UBXN7: variants seen among roughly 807,000 people sequenced by gnomAD.
UBXN7 encodes the protein UBX domain-containing protein 7.
A neutral mutation model predicts 58.0 loss-of-function variants in UBXN7; 9 were observed. The observed-to-expected ratio is 0.16, with a 90% CI of 0.09 to 0.27. UBXN7 has a LOEUF of 0.27. Among genes scored for constraint, UBXN7 ranks in the 10% least tolerant of loss-of-function variants. The probability of loss-of-function intolerance (pLI) is 1.00; values close to 1 mark genes in which losing one functional copy is unlikely to be tolerated. For synonymous variants in UBXN7, 208 were observed against 205.0 expected (o/e 1.01, Z -0.12); for missense variants, 328 against 599.6 (o/e 0.55, Z 4.73).
At chr3:196,422,030 T>A (rs971170961) in intron 1 of UBXN7, among the ~76,000 whole-genome samples, 1 of 151,182 alleles carries the variant, frequency 6.6e-6, no homozygotes. Context: ...GAAACCCTAG[T>A]CTCTAGTAAA....
At chr3:196,399,114 C>CTACT (rs1182629067) in intron 3 of UBXN7, among the ~76,000 whole-genome samples, 2 of 152,206 alleles carry the variant, frequency 1.3e-5, no homozygotes, top group Non-Finnish European at 2.9e-5. Flanking sequence ...CTTCAGCTCG[C>CTACT]TACTCTAACA....
At chr3:196,425,980 C>T (rs1289633895) in intron 1 of UBXN7, among the ~76,000 whole-genome samples, 1 of 152,130 alleles carries the variant, frequency 6.6e-6, no homozygotes, top group Non-Finnish European at 1.5e-5. Flanking sequence ...CCACGCCTTG[C>T]TCACAGTTGT....
Position 196,432,319 on chromosome 3 carries a change from T to C in UBXN7, c.73+8A>G. ...CACTCTCCACCTTCCGGTAACCGCG[T>C]CTCTTACCGGTAATGGTGGTGAACT... On this transcript the variant is annotated splice_region_variant and intron_variant, in intron 1 of 10. Coordinates refer to ENST00000296328, the MANE Select transcript of UBXN7 (RefSeq NM_015562.2). The C allele has an allele frequency of 6.2e-7, 1 of 1,613,374 alleles. No individual in the cohort carries two copies. Among genetic ancestry groups the C allele is most frequent in the Non-Finnish European group, 8.5e-7 (1 of 1,179,772 alleles).
chr3:196,383,367 C>G (rs1227963362), intron 5 of UBXN7, among the ~76,000 whole-genome samples: 1 of 152,172 alleles, frequency 6.6e-6, no homozygotes, highest in Non-Finnish European at 1.5e-5. Context: ...TAACACCCCA[C>G]TGTCAATATT....
chr3:196,364,703 GTT>G (rs541642001), intron 8 of UBXN7, among the ~76,000 whole-genome samples: 3 of 143,782 alleles, frequency 2.1e-5, no homozygotes, highest in African/African-American at 2.5e-5. Flanking sequence ...TTTGCTGGTT[GTT>G]TTTTTTTTTT....
chr3:196,395,588 G>A (rs966077156), intron 3 of UBXN7, among the ~76,000 whole-genome samples: 1 of 151,918 alleles, frequency 6.6e-6, no homozygotes, highest in African/African-American at 2.4e-5. Context: ...GGGACTACAA[G>A]TGTGCAGCAC....
chr3:196,358,983 T>C (rs764975821), intron 10 of UBXN7, among the ~76,000 whole-genome samples: 1 of 152,038 alleles, frequency 6.6e-6, no homozygotes, highest in Non-Finnish European at 1.5e-5. Context: ...TTCAAAGAAT[T>C]ATCAAGCAAA....
intron 3 of UBXN7, among the ~76,000 whole-genome samples, chr3:196,401,473 A>G (rs1180460621): frequency 6.6e-6 from 1 of 150,908 alleles, no homozygotes; most frequent in Non-Finnish European, 1.5e-5. Context: ...TCCTCCTCTT[A>G]GTTTACCGAT....
chr3:196,386,714 G>C lies in UBXN7; in HGVS notation c.468+5099C>G, dbSNP rs550558268. 5.3e-5 allele frequency among the ~76,000 whole-genome samples: 8 copies of C among 152,222 alleles called. No individual in the cohort carries two copies. In the South Asian group the frequency reaches 1.7e-3, roughly 32 times the overall value. ...ACCACTGCTCAACGAAATAAAAGAG[G>C]ACACAAACAAATGGAAGAACATTCC... On this transcript the variant is annotated intron_variant, in intron 5 of 10. Transcript: ENST00000296328.
intron 3 of UBXN7, among the ~76,000 whole-genome samples, chr3:196,401,782 A>AG (rs1358848116): frequency 2.0e-5 from 3 of 147,954 alleles, no homozygotes; most frequent in African/African-American, 7.5e-5. Context: ...AAAAAAAAAA[A>AG]AAAAAAAGTA....
chr3:196,348,513 A>G lies in UBXN7; in HGVS notation c.*8172T>C, dbSNP rs562144607. 5 of 152,336 alleles carry G rather than the reference A, an allele frequency of 3.3e-5. No individual in the cohort carries two copies. Among genetic ancestry groups the G allele is most frequent in the African/African-American group, 7.2e-5 (3 of 41,566 alleles). The allele number at this position is 152,336 out of a possible 1,614,324, so 9.4% of individuals were successfully genotyped here. A position where few individuals can be genotyped will look rare whatever the true frequency, so the allele number is the denominator to read the frequency against. On this transcript the variant is annotated 3_prime_UTR_variant, in exon 11 of 11. Coordinates refer to ENST00000296328, the MANE Select transcript of UBXN7 (RefSeq NM_015562.2). ...CTGCATTAAGAATGCAAATCTCAGT[A>G]AGACCACCCCCACACACACTTTGTC...
intron 1 of UBXN7, among the ~76,000 whole-genome samples, chr3:196,424,410 T>TTTTTTTA (rs1553855155): frequency 7.4e-6 from 1 of 135,520 alleles, no homozygotes; most frequent in South Asian, 2.4e-4. Flanking sequence ...TTTTTTTTTT[T>TTTTTTTA]AAGAGACAAG....
intron 5 of UBXN7, among the ~76,000 whole-genome samples, chr3:196,374,832 G>A (rs372211145): frequency 8.0e-6 from 1 of 125,524 alleles, no homozygotes; most frequent in East Asian, 2.5e-4. Flanking sequence ...AGCCAAGATC[G>A]TGCCATTGCA....
chr3:196,389,824 T>C (rs568274985), intron 5 of UBXN7, among the ~76,000 whole-genome samples: 1 of 152,312 alleles, frequency 6.6e-6, no homozygotes, highest in East Asian at 1.9e-4. Flanking sequence ...AAATTCCTTC[T>C]CCTAAATACT....
intron 3 of UBXN7, among the ~76,000 whole-genome samples, chr3:196,394,547 G>A (rs1729709029): frequency 1.3e-5 from 2 of 151,092 alleles, no homozygotes; most frequent in Admixed American, 1.3e-4. Context: ...AGGTTGCAGC[G>A]AGCCAAGATC....
rs558356094 is a variant in UBXN7, at chr3:196,355,996, A to G, written c.*689T>C. On this transcript the variant is annotated 3_prime_UTR_variant, in exon 11 of 11. Coordinates refer to ENST00000296328, the MANE Select transcript of UBXN7 (RefSeq NM_015562.2). ...AGGTTAGGACAATGAAAGTCACCCCATGCTATATGCTCCATATTTAACACT... is the reference window on the plus strand; with the variant it reads ...AGGTTAGGACAATGAAAGTCACCCCGTGCTATATGCTCCATATTTAACACT... 2.0e-5 allele frequency: 3 copies of G among 152,234 alleles called. No homozygotes were observed. Among genetic ancestry groups the G allele is most frequent in the African/African-American group, 7.2e-5 (3 of 41,504 alleles). The allele number at this position is 152,234 out of a possible 1,614,324, so 9.4% of individuals were successfully genotyped here.
chr3:196,374,329 G>C (rs776386347), intron 5 of UBXN7, among the ~76,000 whole-genome samples: 17 of 151,876 alleles, frequency 1.1e-4, no homozygotes, highest in Non-Finnish European at 1.9e-4. Context: ...CATTATCTCA[G>C]ATTTATTCAT....
In UBXN7 at chr3:196,355,079, T is replaced by C. The variant is rs1295634630; in HGVS notation, c.*1606A>G. ...TAGCAACACATGGCATCTTTTTTTCTTCTTTTCCCAAATCCCCTAATTGCC... is the reference window on the plus strand; with the variant it reads ...TAGCAACACATGGCATCTTTTTTTCCTCTTTTCCCAAATCCCCTAATTGCC... On this transcript the variant is annotated 3_prime_UTR_variant, in exon 11 of 11. Transcript: ENST00000296328. The C allele has an allele frequency of 3.3e-5, 5 of 152,124 alleles. No homozygotes were observed. The highest frequency in any genetic ancestry group is 1.2e-4 in the African/African-American group (5 of 41,424). The allele number at this position is 152,124 out of a possible 1,614,324, so 9.4% of individuals were successfully genotyped here.
rs754348085 is a variant in UBXN7, at chr3:196,432,421, G to GAAC, written c.-25_-23dup. On this transcript the variant is annotated 5_prime_UTR_variant, in exon 1 of 11. Transcript: ENST00000296328. ...CCATCTTACCGCCGCCGCCGCCGCC[G>GAAC]AACAACAACACAGACACACACGGAC... is the stretch of plus-strand genomic sequence containing the variant. 8.2e-6 allele frequency: 13 copies of GAAC among 1,579,088 alleles called. No individual in the cohort carries two copies. Among genetic ancestry groups the GAAC allele is most frequent in the Non-Finnish European group, 1.1e-5 (13 of 1,159,140 alleles).
Sources: gnomAD v4.1 joint callset for allele counts (sites outside exome capture counted in the v4.1 genomes callset) on GRCh38, gnomAD v4.1.1 for gene constraint, MANE v1.5 for transcripts, NCBI Gene and HGNC (gene_info 2026-07-23, HGNC 2026-07-21) for gene names.